The following CTTNBP2 variants were observed in gnomAD, a reference collection of about 807,000 sequenced individuals.
CTTNBP2 encodes cortactin-binding protein 2.
CTTNBP2 carries 108 observed loss-of-function variants against 156.9 expected under a neutral mutation model. The observed-to-expected ratio is 0.69, with a 90% confidence interval of 0.59 to 0.81. CTTNBP2 has a LOEUF of 0.81. Among genes scored for constraint, CTTNBP2 ranks in the 30% least tolerant of loss-of-function variants. The probability of loss-of-function intolerance (pLI) is 0.00; values close to 1 mark genes in which losing one functional copy is unlikely to be tolerated. For missense variants in CTTNBP2, 1,924 were observed against 2,035.4 expected, an observed-to-expected ratio of 0.95 and a Z score of 1.05; for synonymous variants, 767 against 751.8, an observed-to-expected ratio of 1.02 and a Z score of -0.33.
chr7:117,795,991 A>G (rs1248231251), intron 3 of CTTNBP2, among the ~76,000 whole-genome samples: 1 of 152,156 alleles, frequency 6.6e-6, no homozygotes, highest in Non-Finnish European at 1.5e-5. Context: ...CCTTTCCCCA[A>G]ATCTTCACCC....
chr7:117,826,976 C>T (rs916429230), intron 2 of CTTNBP2, among the ~76,000 whole-genome samples: 1 of 151,860 alleles, frequency 6.6e-6, no homozygotes, highest in Non-Finnish European at 1.5e-5. Flanking sequence ...ATTCTCCTGC[C>T]TCAGCCTCAG....
At chr7:117,810,202 AC>A (rs1711925771) in intron 3 of CTTNBP2, among the ~76,000 whole-genome samples, 1 of 152,136 alleles carries the variant, frequency 6.6e-6, no homozygotes, top group South Asian at 2.1e-4. Flanking sequence ...CAGCTATCAC[AC>A]CCCAGAGGTG....
intron 3 of CTTNBP2, among the ~76,000 whole-genome samples, chr7:117,795,050 G>A (rs374392658): frequency 9.3e-5 from 14 of 151,134 alleles, no homozygotes; most frequent in South Asian, 4.2e-4. Flanking sequence ...GCCCGCCACC[G>A]CGCCCGGCTA....
intron 2 of CTTNBP2, among the ~76,000 whole-genome samples, chr7:117,830,074 T>G (rs1266610207): frequency 6.6e-6 from 1 of 152,230 alleles, no homozygotes; most frequent in East Asian, 1.9e-4. Context: ...CCAAAATGAT[T>G]TTTAAAAATC....
intron 22 of CTTNBP2, among the ~76,000 whole-genome samples, chr7:117,714,465 CTGGTGGTGAGGGGA>C (rs1487509997): frequency 6.6e-6 from 1 of 152,086 alleles, no homozygotes; most frequent in Non-Finnish European, 1.5e-5. Context: ...TATACAGAAT[CTGGTGGTGAGGGGA>C]GTTGTTTAAT....
chr7:117,756,455 G>C lies in CTTNBP2; in HGVS notation c.3348+100C>G, dbSNP rs573989762. The C allele has an allele frequency of 5.3e-4, 463 of 866,956 alleles. 2 individuals carry two copies. In the Middle Eastern group the frequency reaches 5.5e-3, roughly 10 times the overall value. 53.7% of individuals were successfully genotyped at this position (866,956 alleles called of 1,614,324 possible). ...GGTAACGGTGTCAGAGCACAGGGTGGGGGGGCTTGCACTCCTCCTTTAAAC... is the reference window on the plus strand; with the variant it reads ...GGTAACGGTGTCAGAGCACAGGGTGCGGGGGCTTGCACTCCTCCTTTAAAC... On this transcript the variant is annotated intron_variant, in intron 12 of 22. Coordinates refer to ENST00000160373, the MANE Select transcript of CTTNBP2 (RefSeq NM_033427.3).
At chr7:117,838,976 G>A (rs998004300) in intron 2 of CTTNBP2, among the ~76,000 whole-genome samples, 2 of 99,908 alleles carry the variant, frequency 2.0e-5, no homozygotes, top group African/African-American at 7.4e-5. Context: ...GCGGGGGGGG[G>A]GCTTTTAAAA....
chr7:117,801,717 A>G (rs1799616319), intron 3 of CTTNBP2, among the ~76,000 whole-genome samples: 1 of 152,148 alleles, frequency 6.6e-6, no homozygotes, highest in African/African-American at 2.4e-5. Context: ...TTTGGAAAAA[A>G]CATCTGTGTG....
chr7:117,873,240 C>A (rs975891331), intron 1 of CTTNBP2, 95 bp downstream of exon 1: 3 of 986,986 alleles, frequency 3.0e-6, no homozygotes, highest in Non-Finnish European at 4.0e-6. Context: ...TTACGGAACG[C>A]CCCGGGGGTG....
chr7:117,837,565 T>C (rs1802031339), intron 2 of CTTNBP2, among the ~76,000 whole-genome samples: 1 of 152,202 alleles, frequency 6.6e-6, no homozygotes, highest in Non-Finnish European at 1.5e-5. Flanking sequence ...GATTTTGAAA[T>C]ATTTTCATGT....
At chr7:117,794,969 A>G (rs989490000) in intron 3 of CTTNBP2, among the ~76,000 whole-genome samples, 5 of 133,622 alleles carry the variant, frequency 3.7e-5, no homozygotes, top group African/African-American at 1.5e-4. Context: ...ATCTCGGCTC[A>G]CTGCAAGCTC....
chr7:117,855,031 T>A (rs1020636358), intron 2 of CTTNBP2, among the ~76,000 whole-genome samples: 1 of 151,500 alleles, frequency 6.6e-6, no homozygotes, highest in African/African-American at 2.4e-5. Flanking sequence ...GTGATCCACC[T>A]GCTTCAGCTC....
At chr7:117,774,703 T>TTA (rs1345239545) in intron 8 of CTTNBP2, among the ~76,000 whole-genome samples, 1 of 150,162 alleles carries the variant, frequency 6.7e-6, no homozygotes, top group Non-Finnish European at 1.5e-5. Context: ...CTGAGCTATG[T>TTA]TATGTCCCTT....
chr7:117,738,905 T>C (rs531649119), intron 14 of CTTNBP2, among the ~76,000 whole-genome samples: 96 of 152,290 alleles, frequency 6.3e-4, no homozygotes, highest in Non-Finnish European at 9.7e-4. Flanking sequence ...AGTGACCTAA[T>C]ACATCTCACA....
chr7:117,816,732 T>C (rs557156268), intron 2 of CTTNBP2, among the ~76,000 whole-genome samples: 98 of 152,194 alleles, frequency 6.4e-4, no homozygotes, highest in African/African-American at 2.3e-3. Context: ...TGCAACAGAG[T>C]GCTTATTTTT....
intron 3 of CTTNBP2, among the ~76,000 whole-genome samples, chr7:117,802,053 C>T (rs1799642324): frequency 8.9e-6 from 1 of 112,498 alleles, no homozygotes; most frequent in South Asian, 3.9e-4. Flanking sequence ...GCTATCCCTC[C>T]CCCCTCCCCC....
intron 2 of CTTNBP2, among the ~76,000 whole-genome samples, chr7:117,836,746 C>T (rs2216260): frequency 2.6e-5 from 4 of 152,092 alleles, no homozygotes; most frequent in Admixed American, 6.6e-5. Flanking sequence ...ATTCACAGTT[C>T]CACGTGGCTG....
At chr7:117,850,997 T>C (rs1054417550) in intron 2 of CTTNBP2, among the ~76,000 whole-genome samples, 1 of 152,220 alleles carries the variant, frequency 6.6e-6, no homozygotes, top group Non-Finnish European at 1.5e-5. Context: ...CCTGAATTAA[T>C]TGAGCATGAA....
At chr7:117,860,435 C>T (rs1482017038) in intron 2 of CTTNBP2, among the ~76,000 whole-genome samples, 9 of 152,038 alleles carry the variant, frequency 5.9e-5, no homozygotes, top group African/African-American at 1.9e-4. Flanking sequence ...CTCCACCTCC[C>T]GAGTTCACGC....
Sources: gnomAD v4.1 joint callset for allele counts (sites outside exome capture counted in the v4.1 genomes callset) on GRCh38, gnomAD v4.1.1 for gene constraint, MANE v1.5 for transcripts, NCBI Gene and HGNC (gene_info 2026-07-23, HGNC 2026-07-21) for gene names.